TYW1B: variants seen among roughly 807,000 people sequenced by gnomAD.
TYW1B encodes tRNA-yW synthesizing protein 1 homolog B, also known as S-adenosyl-L-methionine-dependent tRNA 4-demethylwyosine synthase TYW1B.
In TYW1B, 73 loss-of-function variants were observed where a neutral mutation model predicts 86.9. The ratio of observed to expected loss-of-function variants is 0.84; its 90% CI spans 0.70 to 1.02. TYW1B has a LOEUF of 1.02. Among genes scored for constraint, TYW1B ranks in the 50% least tolerant of loss-of-function variants. TYW1B has a pLI of 0.00. For synonymous variants in TYW1B, 248 were observed against 292.8 expected, an observed-to-expected ratio of 0.85 and a Z score of 1.56; for missense variants, 637 against 827.4, an observed-to-expected ratio of 0.77 and a Z score of 2.82.
chr7:72,802,254 T>C (rs1255809286), intron 6 of TYW1B, 146 bp downstream of exon 6: 24 of 1,424,922 alleles, frequency 1.7e-5, no homozygotes, highest in Non-Finnish European at 2.1e-5. Context: ...TCATGAAAAA[T>C]GGCAAAAAAA....
intron 7 of TYW1B, among the ~76,000 whole-genome samples, chr7:72,753,414 A>G (rs538348704): frequency 1.1e-4 from 17 of 152,162 alleles, no homozygotes; most frequent in Non-Finnish European, 2.2e-4. Flanking sequence ...CAATATTAGC[A>G]TCGCAAATGG....
At chr7:72,639,101 T>TTA (rs1354365805) in intron 11 of TYW1B, among the ~76,000 whole-genome samples, 49 of 152,078 alleles carry the variant, frequency 3.2e-4, no homozygotes, top group African/African-American at 1.2e-3. Context: ...TGTTTAGATA[T>TTA]TACTCTGAGA....
chr7:72,764,829 T>C (rs1554468038), intron 7 of TYW1B, among the ~76,000 whole-genome samples: 3 of 152,202 alleles, frequency 2.0e-5, no homozygotes, highest in African/African-American at 7.2e-5. Flanking sequence ...TTTTTGGTTC[T>C]TTACTTAAAT....
chr7:72,780,917 T>C (rs1165658887), intron 6 of TYW1B, among the ~76,000 whole-genome samples: 1 of 151,948 alleles, frequency 6.6e-6, no homozygotes, highest in Non-Finnish European at 1.5e-5. Context: ...AATGTAACAA[T>C]ATAACAACCA....
At chr7:72,815,520 T>C (rs1788706989) in intron 2 of TYW1B, 39 bp from the exon 3 acceptor site, 1 of 1,573,160 alleles carries the variant, frequency 6.4e-7, no homozygotes, top group Non-Finnish European at 8.7e-7. Flanking sequence ...AAGTCTTCAA[T>C]GAGCCAAATA....
At chr7:72,647,990 G>T (rs782643577) in intron 11 of TYW1B, among the ~76,000 whole-genome samples, 1 of 152,010 alleles carries the variant, frequency 6.6e-6, no homozygotes, top group Non-Finnish European at 1.5e-5. Context: ...CTGGCTGCAA[G>T]GAGTAATTTT....
intron 7 of TYW1B, among the ~76,000 whole-genome samples, chr7:72,746,983 C>T (rs1359450910): frequency 1.3e-5 from 2 of 152,158 alleles, no homozygotes; most frequent in Non-Finnish European, 1.5e-5. Context: ...GTTTAAGACA[C>T]TCTTTTTTGT....
At chr7:72,793,742 G>A (rs1313396737) in intron 6 of TYW1B, among the ~76,000 whole-genome samples, 2 of 146,916 alleles carry the variant, frequency 1.4e-5, no homozygotes, top group East Asian at 2.0e-4. Flanking sequence ...GCGACAGAAC[G>A]AGACTCCGTC....
rs567405682 is a variant in TYW1B, at chr7:72,610,071, G to A, written c.1785+6601C>T. ...GAGATAGTTCCCAGTTTCAACGTTA[G>A]GCTGTGTCACACTTCTTTCAATGAT... On this transcript the variant is annotated intron_variant, in intron 13 of 13. Transcript: ENST00000620995. 1.1e-3 allele frequency among the ~76,000 whole-genome samples: 169 copies of A among 152,258 alleles called. 1 individual carries two copies. The highest frequency in any genetic ancestry group is 3.9e-3 in the African/African-American group (162 of 41,544).
chr7:72,748,797 A>T (rs2129571427), intron 7 of TYW1B, among the ~76,000 whole-genome samples: 1 of 152,098 alleles, frequency 6.6e-6, no homozygotes, highest in Non-Finnish European at 1.5e-5. Context: ...TGGTTATGGC[A>T]TATAATTCTT....
chr7:72,748,489 T>C (rs1554464294), intron 7 of TYW1B, among the ~76,000 whole-genome samples: 1 of 147,696 alleles, frequency 6.8e-6, no homozygotes, highest in East Asian at 2.0e-4. Context: ...TACAATACTA[T>C]GTAAAACAGG....
At chr7:72,783,138 C>T (rs1788075448) in intron 6 of TYW1B, among the ~76,000 whole-genome samples, 1 of 151,904 alleles carries the variant, frequency 6.6e-6, no homozygotes, top group Non-Finnish European at 1.5e-5. Context: ...GTGGCTCACG[C>T]CTGTAATCCC....
intron 10 of TYW1B, among the ~76,000 whole-genome samples, chr7:72,709,536 T>C (rs1296578923): frequency 6.6e-5 from 10 of 152,010 alleles, no homozygotes; most frequent in Admixed American, 2.6e-4. Context: ...GGGGTGGTGG[T>C]GGGTGCCTGT....
intron 13 of TYW1B, among the ~76,000 whole-genome samples, chr7:72,583,578 T>C (rs569811424): frequency 6.6e-6 from 1 of 152,334 alleles, no homozygotes; most frequent in African/African-American, 2.4e-5. Context: ...TTGGACTTTT[T>C]AACTGTCCAT....
intron 10 of TYW1B, among the ~76,000 whole-genome samples, chr7:72,697,749 G>A (rs1554451760): frequency 6.6e-6 from 1 of 152,124 alleles, no homozygotes; most frequent in East Asian, 1.9e-4. Flanking sequence ...ATTTAAGATA[G>A]ACAACCTTAA....
intron 8 of TYW1B, among the ~76,000 whole-genome samples, chr7:72,737,683 T>C (rs1787219510): frequency 6.6e-6 from 1 of 152,214 alleles, no homozygotes; most frequent in African/African-American, 2.4e-5. Context: ...CATAATCATA[T>C]GGCTAACATA....
chr7:72,777,854 T>C (rs1474083299), intron 6 of TYW1B, among the ~76,000 whole-genome samples: 1 of 152,212 alleles, frequency 6.6e-6, no homozygotes, highest in African/African-American at 2.4e-5. Flanking sequence ...AGGCGAAAGT[T>C]GCAGTGAGCC....
At chr7:72,582,329 G>A (rs1424832954) in intron 13 of TYW1B, among the ~76,000 whole-genome samples, 1 of 152,066 alleles carries the variant, frequency 6.6e-6, no homozygotes, top group South Asian at 2.1e-4. Context: ...AGAGAAAATC[G>A]AATGAGAAAA....
intron 9 of TYW1B, among the ~76,000 whole-genome samples, chr7:72,714,429 C>T (rs1177979239): frequency 4.0e-5 from 6 of 149,604 alleles, no homozygotes; most frequent in African/African-American, 1.2e-4. Flanking sequence ...CTAGCCTGGG[C>T]AATATAGTGA....
Sources: gnomAD v4.1 joint callset for allele counts (sites outside exome capture counted in the v4.1 genomes callset) on GRCh38, gnomAD v4.1.1 for gene constraint, MANE v1.5 for transcripts, NCBI Gene and HGNC (gene_info 2026-07-23, HGNC 2026-07-21) for gene names.